The following STRIP2 variants were observed in gnomAD, a reference collection of about 807,000 sequenced individuals.
STRIP2 encodes striatin interacting protein 2.
A neutral mutation model predicts 107.1 loss-of-function variants in STRIP2; 84 were observed. That is an observed-to-expected ratio of 0.78 (90% confidence interval 0.66 to 0.94). STRIP2 has a LOEUF of 0.94. Among genes scored for constraint, STRIP2 ranks in the 40% least tolerant of loss-of-function variants. The pLI, the probability that STRIP2 is intolerant of heterozygous loss-of-function variation, is 0.00. For synonymous variants in STRIP2, 394 were observed against 400.4 expected (o/e 0.98, Z 0.19); for missense variants, 888 against 1,034.2 (o/e 0.86, Z 1.94).
At chr7:129,466,882 C>G (rs1021720399) in intron 16 of STRIP2, among the ~76,000 whole-genome samples, 1 of 152,226 alleles carries the variant, frequency 6.6e-6, no homozygotes, top group African/African-American at 2.4e-5. Context: ...CATACTGGAG[C>G]TGGAGCCCAG....
chr7:129,474,900 A>G (rs1305537111), intron 18 of STRIP2, among the ~76,000 whole-genome samples: 1 of 152,236 alleles, frequency 6.6e-6, no homozygotes, highest in African/African-American at 2.4e-5. Context: ...CATGATGAAC[A>G]TGAAATAAAG....
chr7:129,465,083 G>A (rs1376021165), intron 16 of STRIP2, among the ~76,000 whole-genome samples: 1 of 152,078 alleles, frequency 6.6e-6, no homozygotes, highest in Non-Finnish European at 1.5e-5. Flanking sequence ...GTTGACCGTA[G>A]TTTTCTATAT....
At chr7:129,477,777 G>A in intron 18 of STRIP2, 1 of 243,784 alleles carries the variant, frequency 4.1e-6, no homozygotes, top group Non-Finnish European at 8.2e-6. Context: ...GGCTAATGAG[G>A]TGGGTGATGC....
intron 11 of STRIP2, 122 bp from the exon 12 acceptor site, chr7:129,459,395 T>G: frequency 1.2e-6 from 1 of 812,356 alleles, no homozygotes; most frequent in African/African-American, 1.7e-5. Context: ...GAGGAAGGTC[T>G]AGGGTACTGG....
In STRIP2 at chr7:129,434,658, G is replaced by A. The variant is rs1797681321; in HGVS notation, c.129+57G>A. ...CGGAGACGCCCGCCGGCGGGAAGCG[G>A]CGGCTGAGGTGATTCGGCCTCGGCC... On this transcript the variant is annotated intron_variant, in intron 1 of 20. Transcript: ENST00000249344. 2.8e-6 allele frequency: 4 copies of A among 1,422,804 alleles called. 1 individual carries two copies. In the Admixed American group the frequency reaches 8.4e-5, roughly 30 times the overall value. The allele number at this position is 1,422,804 out of a possible 1,614,324, so 88.1% of individuals were successfully genotyped here. A position where few individuals can be genotyped will look rare whatever the true frequency, so the allele number is the denominator to read the frequency against.
In STRIP2 at chr7:129,483,089, G is replaced by A. The variant is rs1799170208; in HGVS notation, c.2254+43G>A. 2 of 1,596,444 alleles carry A rather than the reference G, an allele frequency of 1.3e-6. No individual in the cohort carries two copies. Among genetic ancestry groups the A allele is most frequent in the Non-Finnish European group, 1.7e-6 (2 of 1,170,214 alleles). On this transcript the variant is annotated intron_variant, in intron 20 of 20. Transcript: ENST00000249344. This position sits in a 1 kb window ranked among gnomAD's most constrained non-coding sequence, Gnocchi z 5.1. ...TCTTGACTTCCTGGAGTTTCCTGGG[G>A]TTTAGACAAAACTAAATAAATATTT...
intron 19 of STRIP2, among the ~76,000 whole-genome samples, chr7:129,482,373 ATATAT>A (rs1259571073): frequency 1.2e-4 from 10 of 84,612 alleles, no homozygotes; most frequent in Admixed American, 3.4e-4. Flanking sequence ...ATATATATAT[ATATAT>A]TTTTTTTTTT....
intron 17 of STRIP2, 115 bp from the exon 18 acceptor site, chr7:129,470,534 A>G (rs1584961669): frequency 2.4e-6 from 2 of 825,734 alleles, no homozygotes; most frequent in Non-Finnish European, 2.0e-6. Context: ...TCACTAAGCA[A>G]TTTGGGAAAT....
chr7:129,478,873 G>T (rs552215920), intron 18 of STRIP2, among the ~76,000 whole-genome samples: 1 of 152,320 alleles, frequency 6.6e-6, no homozygotes, highest in African/African-American at 2.4e-5. Context: ...ACTGAGGACT[G>T]CAAGGCTTTT....
rs1024351276 is a variant in STRIP2, at chr7:129,443,180, C to T, written c.200-844C>T. Among the ~76,000 whole-genome samples, 28 of 151,984 alleles carry T rather than the reference C, an allele frequency of 1.8e-4. 1 individual carries two copies. Among genetic ancestry groups the T allele is most frequent in the Admixed American group, 6.6e-5 (1 of 15,252 alleles). On this transcript the variant is annotated intron_variant, in intron 2 of 20. Transcript: ENST00000249344. The stretch of plus-strand genomic sequence containing the variant: ...TCAGCCTCCTAAGTAGCTAGGACTA[C>T]AGTCATGTGCCACTACACCTGGCTA...
chr7:129,443,958 C>A, intron 2 of STRIP2, 66 bp from the exon 3 acceptor site: 1 of 1,209,446 alleles, frequency 8.3e-7, no homozygotes, highest in Non-Finnish European at 1.2e-6. Flanking sequence ...TCATGCCACC[C>A]TCTCTACTTT....
intron 18 of STRIP2, among the ~76,000 whole-genome samples, chr7:129,479,196 C>A (rs1391521636): frequency 6.6e-6 from 1 of 151,394 alleles, no homozygotes; most frequent in East Asian, 2.0e-4. Flanking sequence ...ATTGCTTGAA[C>A]CTGGGAGGCA....
intron 8 of STRIP2, 141 bp downstream of exon 8, chr7:129,455,512 C>T: frequency 1.0e-6 from 1 of 989,160 alleles, no homozygotes; most frequent in Non-Finnish European, 1.4e-6. Flanking sequence ...GGAGGGGCAA[C>T]AAGGCTGTCC....
intron 20 of STRIP2, 105 bp from the exon 21 acceptor site, chr7:129,485,474 A>ATT: frequency 8.2e-7 from 1 of 1,222,072 alleles, no homozygotes; most frequent in Non-Finnish European, 1.1e-6. Flanking sequence ...AAAAAAAAAG[A>ATT]ATTTCTGAGC....
chr7:129,476,245 C>T (rs1407392394), intron 18 of STRIP2, among the ~76,000 whole-genome samples: 1 of 151,384 alleles, frequency 6.6e-6, no homozygotes, highest in Non-Finnish European at 1.5e-5. Context: ...GGCTGCCCCC[C>T]ACCTCCCTCC....
In STRIP2 at chr7:129,464,940, C is replaced by T. The variant is rs376178023; in HGVS notation, c.1776+202C>T. Among the ~76,000 whole-genome samples, 85 of 152,110 alleles carry T rather than the reference C, an allele frequency of 5.6e-4. 2 individuals carry two copies. In the South Asian group the frequency reaches 0.016, roughly 30 times the overall value. On this transcript the variant is annotated intron_variant, in intron 16 of 20. Coordinates refer to ENST00000249344, the MANE Select transcript of STRIP2 (RefSeq NM_020704.3). The stretch of plus-strand genomic sequence containing the variant: ...AACTGTCCTAGAAAGGTGCAGATGT[C>T]TGTGTCCCTTGTAAGTTATCCCAGA...
At chr7:129,445,403 G>T (rs1163872188) in intron 3 of STRIP2, among the ~76,000 whole-genome samples, 2 of 151,970 alleles carry the variant, frequency 1.3e-5, no homozygotes, top group Non-Finnish European at 2.9e-5. Flanking sequence ...GTGTCTCCTG[G>T]TGGCAGTTTC....
chr7:129,485,898 T>A lies in STRIP2; in HGVS notation c.*69T>A. On this transcript the variant is annotated 3_prime_UTR_variant, in exon 21 of 21. Coordinates refer to ENST00000249344, the MANE Select transcript of STRIP2 (RefSeq NM_020704.3). ...AATAAACTGTGCTCTGCCTACCCTG[T>A]CCATACAGGCGCTGTTACCAGTTCA... The A allele has an allele frequency of 6.4e-7, 1 of 1,573,664 alleles. No homozygotes were observed. The highest frequency in any genetic ancestry group is 2.2e-5 in the East Asian group (1 of 44,522).
At chr7:129,477,565 C>T (rs995083495) in intron 18 of STRIP2, among the ~76,000 whole-genome samples, 2 of 152,122 alleles carry the variant, frequency 1.3e-5, no homozygotes, top group Non-Finnish European at 2.9e-5. Flanking sequence ...GTTAAAGTTT[C>T]CCAAACAATC....
Sources: gnomAD v4.1 joint callset for allele counts (sites outside exome capture counted in the v4.1 genomes callset) on GRCh38, gnomAD v4.1.1 for gene constraint, Gnocchi (gnomAD v3.1) non-coding constraint, MANE v1.5 for transcripts, NCBI Gene and HGNC (gene_info 2026-07-23, HGNC 2026-07-21) for gene names.